Variants in SLC22A15 observed in about 807,000 individuals in gnomAD.
SLC22A15 encodes solute carrier family 22 member 15, also known as flipt 1.
SLC22A15 carries 45 observed loss-of-function variants against 62.7 expected under a neutral mutation model. The ratio of observed to expected loss-of-function variants is 0.72; its 90% CI spans 0.56 to 0.92. The LOEUF is 0.92. Among genes scored for constraint, SLC22A15 ranks in the 40% least tolerant of loss-of-function variants. The pLI, the probability that SLC22A15 is intolerant of heterozygous loss-of-function variation, is 0.00. For synonymous variants in SLC22A15, 264 were observed against 267.0 expected, an observed-to-expected ratio of 0.99 and a Z score of 0.11; for missense variants, 622 against 665.6, an observed-to-expected ratio of 0.93 and a Z score of 0.72.
Position 116,069,167 on chromosome 1 carries a change from A to G in SLC22A15, c.*2059A>G, listed in dbSNP as rs1178648371. The G allele has an allele frequency of 6.7e-6, 1 of 149,440 alleles. No homozygotes were observed. Among genetic ancestry groups the G allele is most frequent in the Non-Finnish European group, 1.5e-5 (1 of 66,942 alleles). 9.3% of individuals were successfully genotyped at this position (149,440 alleles called of 1,614,324 possible). Reference sequence around the variant, plus strand: ...GGAAGATAGGAGGGGGAGATCTACAATTTGAATATGTGTTACTTAATAAGG... The same window carrying G: ...GGAAGATAGGAGGGGGAGATCTACAGTTTGAATATGTGTTACTTAATAAGG... On this transcript the variant is annotated 3_prime_UTR_variant, in exon 12 of 12. Coordinates refer to ENST00000369503, the MANE Select transcript of SLC22A15 (RefSeq NM_018420.3).
chr1:116,062,351 C>T (rs1323830902), intron 8 of SLC22A15, among the ~76,000 whole-genome samples: 2 of 152,126 alleles, frequency 1.3e-5, no homozygotes, highest in Non-Finnish European at 2.9e-5. Context: ...GTCTCATGTA[C>T]TTATCAGGGC....
At chr1:116,011,930 G>A (rs938204440) in intron 2 of SLC22A15, among the ~76,000 whole-genome samples, 8 of 152,190 alleles carry the variant, frequency 5.3e-5, no homozygotes, top group East Asian at 1.9e-4. Flanking sequence ...ACTTCTGCAC[G>A]ACAGTGGTCC....
chr1:116,040,355 T>C (rs1657745175), intron 8 of SLC22A15, among the ~76,000 whole-genome samples: 1 of 152,238 alleles, frequency 6.6e-6, no homozygotes. Context: ...ACCTGAACTC[T>C]GTGCTTGCCT....
intron 1 of SLC22A15, among the ~76,000 whole-genome samples, chr1:115,980,486 G>A (rs141504410): frequency 6.4e-4 from 97 of 152,058 alleles, no homozygotes; most frequent in African/African-American, 2.1e-3. Flanking sequence ...AGAATACAAC[G>A]TCTGAAATAA....
chr1:116,022,009 G>A (rs934446118), intron 4 of SLC22A15, among the ~76,000 whole-genome samples: 5 of 152,116 alleles, frequency 3.3e-5, no homozygotes, highest in Admixed American at 2.0e-4. Flanking sequence ...CTATTGTATC[G>A]AGCTGGAAGA....
intron 1 of SLC22A15, among the ~76,000 whole-genome samples, chr1:115,980,418 A>C (rs988740318): frequency 1.3e-5 from 2 of 152,154 alleles, no homozygotes; most frequent in Admixed American, 6.5e-5. Flanking sequence ...ATTATAACAA[A>C]AGTTAGAACC....
rs1011992600 is a variant in SLC22A15, at chr1:116,062,793, T to G, written c.1203T>G (p.His401Gln). Residue 401 changes from histidine (H) to glutamine (Q), a missense_variant, in exon 9 of 12, where the codon CAT becomes CAG. Coordinates refer to ENST00000369503, the MANE Select transcript of SLC22A15 (RefSeq NM_018420.3). The part of the protein sequence containing the change: ...DTGVFAVVNS[H>Q]SLSLLGKLTI... ...GTGTGTTTGCAGTGGTGAACAGCCA[T>G]TCCTTGTCCTTGCTGGGGAAGCTGA... The G allele has an allele frequency of 3.7e-6, 6 of 1,613,906 alleles. No homozygotes were observed. The highest frequency in any genetic ancestry group is 5.1e-6 in the Non-Finnish European group (6 of 1,179,800).
intron 2 of SLC22A15, among the ~76,000 whole-genome samples, chr1:116,000,625 CTTTTTTTTTTT>C (rs56303802): frequency 7.5e-4 from 66 of 88,220 alleles, no homozygotes; most frequent in African/African-American, 2.8e-3. Context: ...CTTTTTTTTC[CTTTTTTTTTTT>C]TTTTTTTTTT....
intron 2 of SLC22A15, among the ~76,000 whole-genome samples, chr1:116,006,234 G>T (rs939453575): frequency 3.9e-5 from 6 of 152,084 alleles, no homozygotes; most frequent in African/African-American, 1.4e-4. Flanking sequence ...GAGAAGGCTT[G>T]CTATAAAGAG....
At position 116,040,813 on chromosome 1, in the gene SLC22A15, G is replaced by T. The variant is rs566713424; in HGVS notation, c.1171+3425G>T. ...TTAAATTAAAAAGAAAATTATTTTT[G>T]TAGGGTGGTCGGGAGCTCCTGGTCT... On this transcript the variant is annotated intron_variant, in intron 8 of 11. Transcript: ENST00000369503. Among the ~76,000 whole-genome samples the T allele has an allele frequency of 2.8e-4, 43 of 152,238 alleles. 1 individual carries two copies. Among genetic ancestry groups the T allele is most frequent in the Admixed American group, 2.4e-3 (37 of 15,288 alleles).
intron 6 of SLC22A15, chr1:116,032,795 T>TA (rs766769191): frequency 7.7e-5 from 17 of 221,624 alleles, no homozygotes; most frequent in Non-Finnish European, 1.2e-4. Context: ...AGCAAATACT[T>TA]ACAAAGTATG....
At chr1:116,029,131 A>G (rs1387219396) in intron 5 of SLC22A15, among the ~76,000 whole-genome samples, 1 of 152,234 alleles carries the variant, frequency 6.6e-6, no homozygotes, top group African/African-American at 2.4e-5. Flanking sequence ...GACATTGCAC[A>G]AATGTTGGCA....
At chr1:115,990,069 A>G (rs1401535168) in intron 1 of SLC22A15, among the ~76,000 whole-genome samples, 1 of 152,250 alleles carries the variant, frequency 6.6e-6, no homozygotes, top group East Asian at 1.9e-4. Flanking sequence ...TCAAAAGTCT[A>G]GATGGAGCTT....
chr1:115,990,023 A>G lies in SLC22A15; in HGVS notation c.88-2008A>G, dbSNP rs191117398. 1.7e-3 allele frequency among the ~76,000 whole-genome samples: 266 copies of G among 152,368 alleles called. 1 individual carries two copies. Among genetic ancestry groups the G allele is most frequent in the African/African-American group, 6.0e-3 (248 of 41,586 alleles). Reference sequence around the variant, plus strand: ...AGAACAAAATAAAATAAGCAAATACATAAATATAATACAGTGAAGGAAATG... The same window carrying G: ...AGAACAAAATAAAATAAGCAAATACGTAAATATAATACAGTGAAGGAAATG... On this transcript the variant is annotated intron_variant, in intron 1 of 11. Transcript: ENST00000369503.
At chr1:116,051,851 T>G (rs1175222575) in intron 8 of SLC22A15, among the ~76,000 whole-genome samples, 1 of 152,160 alleles carries the variant, frequency 6.6e-6, no homozygotes, top group African/African-American at 2.4e-5. Flanking sequence ...TTTTCTGGGA[T>G]CAAACAGTAG....
intron 8 of SLC22A15, among the ~76,000 whole-genome samples, chr1:116,048,925 G>T (rs186351332): frequency 1.1e-4 from 17 of 152,260 alleles, no homozygotes; most frequent in Non-Finnish European, 2.2e-4. Context: ...CATGCAAATG[G>T]ACACAAAAAG....
chr1:116,053,235 G>T (rs1658110557), intron 8 of SLC22A15, among the ~76,000 whole-genome samples: 2 of 152,214 alleles, frequency 1.3e-5, no homozygotes, highest in South Asian at 4.1e-4. Context: ...GAAGGCCAAG[G>T]CTCGAGAACC....
intron 11 of SLC22A15, 147 bp downstream of exon 11, chr1:116,066,855 G>A (rs1570780015): frequency 1.0e-6 from 1 of 973,200 alleles, no homozygotes; most frequent in African/African-American, 1.6e-5. Context: ...GAGAAATAAG[G>A]ATGATCGATG....
intron 2 of SLC22A15, among the ~76,000 whole-genome samples, chr1:115,996,722 A>T (rs549729544): frequency 6.6e-6 from 1 of 151,524 alleles, no homozygotes; most frequent in South Asian, 2.1e-4. Flanking sequence ...ATCTTGTATT[A>T]TTTCTTTTGG....
Sources: gnomAD v4.1 joint callset for allele counts (sites outside exome capture counted in the v4.1 genomes callset) on GRCh38, gnomAD v4.1.1 for gene constraint, MANE v1.5 for transcripts, NCBI Gene and HGNC (gene_info 2026-07-23, HGNC 2026-07-21) for gene names.